The following CNTNAP2 variants were observed in gnomAD, a reference collection of about 807,000 sequenced individuals.
The protein encoded by CNTNAP2 is contactin associated protein 2.
In CNTNAP2, 98 loss-of-function variants were observed where a neutral mutation model predicts 155.2. That is an observed-to-expected ratio of 0.63 (90% CI 0.54 to 0.75). The LOEUF (loss-of-function observed/expected upper bound fraction) is 0.75, where lower values mean the gene tolerates loss of function less well. Among genes scored for constraint, CNTNAP2 ranks in the 30% least tolerant of loss-of-function variants. The pLI is 0.00. For synonymous variants in CNTNAP2, 651 were observed against 631.2 expected, an observed-to-expected ratio of 1.03 and a Z score of -0.47; for missense variants, 1,727 against 1,688.1, an observed-to-expected ratio of 1.02 and a Z score of -0.40.
chr7:146,546,781 GTC>G (rs1431240007), intron 1 of CNTNAP2, among the ~76,000 whole-genome samples: 1 of 151,848 alleles, frequency 6.6e-6, no homozygotes, highest in Non-Finnish European at 1.5e-5. Flanking sequence ...CTGAGTGTAA[GTC>G]TCTTATAAAA....
intron 1 of CNTNAP2, among the ~76,000 whole-genome samples, chr7:146,543,593 A>G (rs1797986747): frequency 6.6e-6 from 1 of 151,928 alleles, no homozygotes; most frequent in Non-Finnish European, 1.5e-5. Flanking sequence ...CTCTTCAGAT[A>G]CATTTCACTG....
At position 147,060,105 on chromosome 7, in the gene CNTNAP2, TA is replaced by T. The variant is rs1408860107; in HGVS notation, c.550+16053del. Among the ~76,000 whole-genome samples, 7 of 152,196 alleles carry T rather than the reference TA, an allele frequency of 4.6e-5. No individual in the cohort carries two copies. The East Asian group carries it at 1.4e-3, about 29-fold the overall frequency. On this transcript the variant is annotated intron_variant, in intron 4 of 23. Coordinates refer to ENST00000361727, the MANE Select transcript of CNTNAP2 (RefSeq NM_014141.6). ...ATTTTTTGTTTATTCATTCAATCAC[TA>T]AGTGTAAAAATAAGAGCGATTATGT...
intron 10 of CNTNAP2, among the ~76,000 whole-genome samples, chr7:147,445,136 G>C (rs1291810411): frequency 6.6e-6 from 1 of 152,100 alleles, no homozygotes; most frequent in African/African-American, 2.4e-5. Flanking sequence ...ATGAGATTTG[G>C]GCAAGGACAC....
intron 1 of CNTNAP2, among the ~76,000 whole-genome samples, chr7:146,434,346 A>G (rs566646120): frequency 1.3e-5 from 2 of 152,276 alleles, no homozygotes; most frequent in South Asian, 2.1e-4. Flanking sequence ...CTAAAGCATT[A>G]ATGGTGCTTT....
intron 1 of CNTNAP2, among the ~76,000 whole-genome samples, chr7:146,742,450 A>C (rs1384082724): frequency 6.6e-6 from 1 of 152,204 alleles, no homozygotes; most frequent in African/African-American, 2.4e-5. Context: ...TAAAAAATAT[A>C]AATTGGGGTC....
chr7:148,369,230 C>T (rs1453957218), intron 21 of CNTNAP2, among the ~76,000 whole-genome samples: 1 of 100,780 alleles, frequency 9.9e-6, no homozygotes, highest in Non-Finnish European at 1.8e-5. Context: ...TGACAGAGTG[C>T]CTCTATTGCC....
At chr7:146,998,929 T>C (rs1798363844) in intron 3 of CNTNAP2, among the ~76,000 whole-genome samples, 1 of 151,934 alleles carries the variant, frequency 6.6e-6, no homozygotes, top group East Asian at 1.9e-4. Flanking sequence ...CAACATATAA[T>C]TGAGTCATTT....
At chr7:146,733,986 A>T (rs1801569801) in intron 1 of CNTNAP2, among the ~76,000 whole-genome samples, 1 of 152,124 alleles carries the variant, frequency 6.6e-6, no homozygotes, top group Non-Finnish European at 1.5e-5. Flanking sequence ...GATGCTGGCT[A>T]CATTGGTACA....
intron 1 of CNTNAP2, among the ~76,000 whole-genome samples, chr7:146,247,692 A>G (rs1295078335): frequency 1.3e-5 from 2 of 152,182 alleles, no homozygotes; most frequent in African/African-American, 4.8e-5. Flanking sequence ...ATTTGGAACT[A>G]CTGTCGAGTT....
chr7:147,081,911 C>T (rs997393264), intron 4 of CNTNAP2: 3 of 152,008 alleles, frequency 2.0e-5, no homozygotes, highest in Non-Finnish European at 2.9e-5. Context: ...TCAAATGAGA[C>T]GATTTGTATG....
At chr7:146,752,366 C>G (rs1011546576) in intron 1 of CNTNAP2, among the ~76,000 whole-genome samples, 2 of 152,164 alleles carry the variant, frequency 1.3e-5, no homozygotes, top group Non-Finnish European at 2.9e-5. Context: ...TTGCATTTCT[C>G]TAATGATCAG....
intron 17 of CNTNAP2, among the ~76,000 whole-genome samples, chr7:148,166,515 C>T (rs1232278811): frequency 3.3e-5 from 5 of 151,626 alleles, no homozygotes; most frequent in Non-Finnish European, 7.4e-5. Flanking sequence ...TCCTCTTGAT[C>T]ATTGTTTTTG....
chr7:146,864,856 G>A (rs1449866523), intron 3 of CNTNAP2, among the ~76,000 whole-genome samples: 1 of 151,450 alleles, frequency 6.6e-6, no homozygotes, highest in Admixed American at 6.6e-5. Context: ...CAGGGTGGCA[G>A]GCTCCTGTGG....
chr7:147,143,954 T>G (rs768594887), intron 8 of CNTNAP2, among the ~76,000 whole-genome samples: 12 of 152,306 alleles, frequency 7.9e-5, no homozygotes, highest in Non-Finnish European at 1.3e-4. Flanking sequence ...AATATAAATG[T>G]GCATGATTAA....
intron 22 of CNTNAP2, among the ~76,000 whole-genome samples, chr7:148,384,926 A>G (rs1799156549): frequency 6.6e-6 from 1 of 152,220 alleles, no homozygotes; most frequent in Admixed American, 6.5e-5. Context: ...TTTAGCTACA[A>G]TAATATTAAT....
intron 1 of CNTNAP2, among the ~76,000 whole-genome samples, chr7:146,655,723 G>A (rs758604154): frequency 3.9e-5 from 6 of 152,028 alleles, no homozygotes; most frequent in Admixed American, 6.6e-5. Flanking sequence ...ATTGGAAAAT[G>A]TATTGCTATT....
chr7:147,438,458 C>A (rs1026432743), intron 10 of CNTNAP2, among the ~76,000 whole-genome samples: 38 of 151,870 alleles, frequency 2.5e-4, no homozygotes, highest in Admixed American at 2.0e-3. Context: ...GGATAAATCC[C>A]CCTTAGTCAT....
At chr7:147,073,084 C>A (rs1186838666) in intron 4 of CNTNAP2, among the ~76,000 whole-genome samples, 5 of 148,808 alleles carry the variant, frequency 3.4e-5, no homozygotes, top group Non-Finnish European at 5.9e-5. Context: ...GATCTCCTGA[C>A]CTCATGATCC....
intron 13 of CNTNAP2, among the ~76,000 whole-genome samples, chr7:147,698,594 G>T (rs1339054618): frequency 1.3e-5 from 2 of 151,906 alleles, no homozygotes; most frequent in Non-Finnish European, 2.9e-5. Flanking sequence ...ACATGGTCTT[G>T]CTCTATTGTC....
Sources: gnomAD v4.1 joint callset for allele counts (sites outside exome capture counted in the v4.1 genomes callset) on GRCh38, gnomAD v4.1.1 for gene constraint, MANE v1.5 for transcripts, NCBI Gene and HGNC (gene_info 2026-07-23, HGNC 2026-07-21) for gene names.